Variants in ACTR3C observed in about 807,000 individuals in gnomAD.
The protein encoded by ACTR3C is actin-related protein 3C.
In ACTR3C, 18 loss-of-function variants were observed where a neutral mutation model predicts 26.3. The observed-to-expected ratio is 0.68, with a 90% CI of 0.47 to 1.01. The LOEUF (loss-of-function observed/expected upper bound fraction) is 1.01. ACTR3C is among the 50% of genes least tolerant of loss of function. The pLI is 0.00. For missense variants in ACTR3C, 184 were observed against 250.7 expected, an observed-to-expected ratio of 0.73 and a Z score of 1.80; for synonymous variants, 55 against 94.5, an observed-to-expected ratio of 0.58 and a Z score of 2.42.
At chr7:149,900,510 T>C in the ACTR3C span, among the ~76,000 whole-genome samples, 1 of 151,742 alleles carries the variant, frequency 6.6e-6, no homozygotes, top group African/African-American at 2.4e-5. Flanking sequence ...AAATAAATAT[T>C]AAAAAGAATG....
chr7:149,913,823 A>T, the ACTR3C span, among the ~76,000 whole-genome samples: 1 of 151,102 alleles, frequency 6.6e-6, no homozygotes, highest in Non-Finnish European at 1.5e-5. Context: ...ATTTAGCACG[A>T]TATATCTATA....
At chr7:149,895,707 A>G in the ACTR3C span, among the ~76,000 whole-genome samples, 2 of 152,114 alleles carry the variant, frequency 1.3e-5, no homozygotes, top group African/African-American at 4.8e-5. Context: ...AATGGCACAC[A>G]TGCCTGTAGT....
the ACTR3C span, among the ~76,000 whole-genome samples, chr7:150,065,205 C>A: frequency 6.6e-6 from 1 of 152,026 alleles, no homozygotes; most frequent in African/African-American, 2.4e-5. Context: ...TGAGGCGGGA[C>A]TGAAATAAAG....
At chr7:150,227,568 G>A in the ACTR3C span, among the ~76,000 whole-genome samples, 8,651 of 150,570 alleles carry the variant, frequency 0.057, 450 homozygotes, top group African/African-American at 0.13. Context: ...AAACTTTATC[G>A]CAAAACCCTA....
chr7:149,986,220 C>T, the ACTR3C span, among the ~76,000 whole-genome samples: 13 of 152,228 alleles, frequency 8.5e-5, no homozygotes, highest in South Asian at 1.9e-3. Flanking sequence ...GCTGGCTGTT[C>T]CTGTGGAAAA....
chr7:150,012,407 C>T, the ACTR3C span, among the ~76,000 whole-genome samples: 26 of 151,340 alleles, frequency 1.7e-4, no homozygotes, highest in African/African-American at 5.8e-4. Flanking sequence ...CTCTGCCTCC[C>T]GGGTTCACGC....
intron 1 of ACTR3C, among the ~76,000 whole-genome samples, chr7:150,309,812 G>A (rs1476718895): frequency 1.3e-5 from 2 of 152,148 alleles, no homozygotes; most frequent in Non-Finnish European, 2.9e-5. Flanking sequence ...TCTCGGCTTT[G>A]CGGCTGAAGA....
the ACTR3C span, among the ~76,000 whole-genome samples, chr7:150,093,958 T>A: frequency 3.5e-4 from 53 of 150,690 alleles, 7 homozygotes; most frequent in African/African-American, 1.2e-3. Context: ...TGCATTTTCT[T>A]GGTAACCTTA....
At chr7:150,073,797 T>C in the ACTR3C span, 1 of 152,110 alleles carries the variant, frequency 6.6e-6, no homozygotes, top group African/African-American at 2.4e-5. Context: ...TATTACCGAA[T>C]TCATTAATCA....
the ACTR3C span, among the ~76,000 whole-genome samples, chr7:150,147,347 G>GA: frequency 2.6e-5 from 4 of 151,560 alleles, no homozygotes; most frequent in East Asian, 1.9e-4. Context: ...AAAATATGAA[G>GA]AAAAAAAGAG....
At chr7:149,900,838 G>C in the ACTR3C span, among the ~76,000 whole-genome samples, 7 of 152,036 alleles carry the variant, frequency 4.6e-5, no homozygotes, top group African/African-American at 1.7e-4. Flanking sequence ...TTTGAGACCA[G>C]CCTGGCCAAC....
At chr7:149,914,509 C>T in the ACTR3C span, among the ~76,000 whole-genome samples, 2 of 151,514 alleles carry the variant, frequency 1.3e-5, no homozygotes, top group East Asian at 1.9e-4. Flanking sequence ...ACAAGAATCG[C>T]GTGAGCCCTG....
chr7:150,240,336 A>G (rs1489843405), downstream of ACTR3C, among the ~76,000 whole-genome samples: 2 of 152,204 alleles, frequency 1.3e-5, no homozygotes, highest in Admixed American at 6.5e-5. Context: ...TCTAATTGGA[A>G]ATATCCTCAT....
chr7:150,277,645 A>G (rs1834986307), intron 6 of ACTR3C, among the ~76,000 whole-genome samples: 2 of 151,970 alleles, frequency 1.3e-5, no homozygotes, highest in African/African-American at 4.8e-5. Flanking sequence ...ATCTCCTGTC[A>G]GTAAATGACC....
At chr7:149,904,802 T>G in the ACTR3C span, among the ~76,000 whole-genome samples, 1 of 151,694 alleles carries the variant, frequency 6.6e-6, no homozygotes, top group Non-Finnish European at 1.5e-5. Context: ...CAGACCAGCC[T>G]GGCCAACATG....
At chr7:149,897,077 A>AAAAAAC in the ACTR3C span, among the ~76,000 whole-genome samples, 1 of 151,786 alleles carries the variant, frequency 6.6e-6, no homozygotes, top group Non-Finnish European at 1.5e-5. Context: ...AAAAAAAAAA[A>AAAAAAC]AAAAACAAGA....
In ACTR3C at chr7:150,320,942, C is replaced by T. The variant is rs560855198; in HGVS notation, c.-52+2527G>A. 1.6e-3 allele frequency among the ~76,000 whole-genome samples: 249 copies of T among 152,306 alleles called. 1 individual carries two copies. Among genetic ancestry groups the T allele is most frequent in the African/African-American group, 5.5e-3 (228 of 41,556 alleles). ...ACACCTCTGACAATACAACTCAAAT[C>T]ATTGGTAGCTCATGAAAAGAACTCA... On this transcript the variant is annotated intron_variant, in intron 1 of 7. Coordinates refer to ENST00000683684, the MANE Select transcript of ACTR3C (RefSeq NM_001164458.2).
chr7:150,227,697 TTTTG>T, the ACTR3C span, among the ~76,000 whole-genome samples: 7 of 141,070 alleles, frequency 5.0e-5, no homozygotes, highest in African/African-American at 1.5e-4. Context: ...GGTTTTTTTT[TTTTG>T]TTTTTTTTTT....
the ACTR3C span, among the ~76,000 whole-genome samples, chr7:150,174,504 A>T: frequency 7.1e-6 from 1 of 141,202 alleles, no homozygotes; most frequent in Non-Finnish European, 1.5e-5. Flanking sequence ...ACACAGCCAG[A>T]CCATATCAGT....
Sources: allele counts gnomAD v4.1 joint callset (sites outside exome capture counted in the v4.1 genomes callset), GRCh38; gene constraint gnomAD v4.1.1; transcripts MANE v1.5; gene names NCBI Gene and HGNC (gene_info 2026-07-23, HGNC 2026-07-21).